The following RAB3GAP2 variants were observed in gnomAD, a reference collection of about 807,000 sequenced individuals.
The protein encoded by RAB3GAP2 is RAB3 GTPase activating non-catalytic protein subunit 2.
A neutral mutation model predicts 185.3 loss-of-function variants in RAB3GAP2; 87 were observed. The observed-to-expected ratio is 0.47, with a 90% CI of 0.39 to 0.56. The LOEUF (loss-of-function observed/expected upper bound fraction) is 0.56, where lower values mean the gene tolerates loss of function less well. Ranked by LOEUF, RAB3GAP2 falls within the 20% of genes least tolerant of loss-of-function variation. The pLI, the probability that RAB3GAP2 is intolerant of heterozygous loss-of-function variation, is 0.00. For synonymous variants in RAB3GAP2, 554 were observed against 576.1 expected, an observed-to-expected ratio of 0.96 and a Z score of 0.55; for missense variants, 1,492 against 1,638.2, an observed-to-expected ratio of 0.91 and a Z score of 1.54.
At position 220,190,061 on chromosome 1, in the gene RAB3GAP2, T is replaced by C; in HGVS notation, c.1714+3A>G. On this transcript the variant is annotated splice_donor_region_variant and intron_variant, in intron 16 of 34. Transcript: ENST00000358951. Reference sequence around the variant, plus strand: ...TTTATTATTTGTATGAGAGAATACCTACCAAGATTGGGAGATTTTGTTTTC... The same window carrying C: ...TTTATTATTTGTATGAGAGAATACCCACCAAGATTGGGAGATTTTGTTTTC... 2 of 1,597,712 alleles carry C rather than the reference T, an allele frequency of 1.3e-6. No homozygotes were observed. Among genetic ancestry groups the C allele is most frequent in the Non-Finnish European group, 1.7e-6 (2 of 1,165,226 alleles).
At chr1:220,252,549 A>G (rs1261887385) in intron 1 of RAB3GAP2, among the ~76,000 whole-genome samples, 3 of 152,238 alleles carry the variant, frequency 2.0e-5, no homozygotes, top group East Asian at 3.8e-4. Flanking sequence ...AGAACGAAGA[A>G]AAGTACGAGG....
intron 9 of RAB3GAP2, among the ~76,000 whole-genome samples, chr1:220,200,309 C>T (rs948501641): frequency 2.0e-5 from 3 of 152,172 alleles, no homozygotes; most frequent in African/African-American, 7.2e-5. Flanking sequence ...AAAGCACCCT[C>T]TTCCTTTACT....
chr1:220,161,117 G>C (rs1338420955), intron 28 of RAB3GAP2, among the ~76,000 whole-genome samples: 1 of 152,090 alleles, frequency 6.6e-6, no homozygotes, highest in African/African-American at 2.4e-5. Context: ...AGGTGAAGTT[G>C]AATAGGAGAA....
chr1:220,245,325 C>A (rs528696962), intron 1 of RAB3GAP2, among the ~76,000 whole-genome samples: 2 of 152,328 alleles, frequency 1.3e-5, no homozygotes, highest in East Asian at 1.9e-4. Flanking sequence ...CATGCGCGAG[C>A]CGAAGCAGGG....
chr1:220,171,211 G>A, intron 23 of RAB3GAP2, 91 bp from the exon 24 acceptor site: 1 of 1,096,954 alleles, frequency 9.1e-7, no homozygotes, highest in East Asian at 2.5e-5. Flanking sequence ...GATGGATACT[G>A]AGGATACATC....
chr1:220,151,833 G>A, intron 33 of RAB3GAP2, 69 bp from the exon 34 acceptor site: 5 of 1,483,376 alleles, frequency 3.4e-6, no homozygotes, highest in South Asian at 2.3e-5. Context: ...TAGGAAAGGG[G>A]TTGCCAGTGA....
chr1:220,233,199 C>G (rs546359074), intron 1 of RAB3GAP2, among the ~76,000 whole-genome samples: 1 of 152,094 alleles, frequency 6.6e-6, no homozygotes, highest in Non-Finnish European at 1.5e-5. Context: ...CTAAAAATGA[C>G]AAATGTTTAT....
Position 220,163,756 on chromosome 1 carries a change from T to TAA in RAB3GAP2, c.3154+976_3154+977insTT, listed in dbSNP as rs1658011195. 2.8e-5 allele frequency among the ~76,000 whole-genome samples: 4 copies of TAA among 145,242 alleles called. No individual in the cohort carries two copies. The South Asian group carries it at 8.6e-4, about 31-fold the overall frequency. Reference sequence around the variant, plus strand: ...ATATAAATACATACATATATATATATATATATATATATATATAGGATGAAG... The same window carrying TAA: ...ATATAAATACATACATATATATATATAAATATATATATATATATAGGATGAAG... On this transcript the variant is annotated intron_variant, in intron 27 of 34. Coordinates refer to ENST00000358951, the MANE Select transcript of RAB3GAP2 (RefSeq NM_012414.4).
At position 220,154,499 on chromosome 1, in the gene RAB3GAP2, C is replaced by T. The variant is rs539977556; in HGVS notation, c.3556-442G>A. 5.6e-5 allele frequency: 10 copies of T among 177,358 alleles called. No homozygotes were observed. The East Asian group carries it at 1.5e-3, about 27-fold the overall frequency. 11.0% of individuals were successfully genotyped at this position (177,358 alleles called of 1,614,324 possible). ...TAACTGAATCTTGCCAACAATTGTGCTTAGAAGTGAATCACCCTGTCCCCA... is the reference window on the plus strand; with the variant it reads ...TAACTGAATCTTGCCAACAATTGTGTTTAGAAGTGAATCACCCTGTCCCCA... On this transcript the variant is annotated intron_variant, in intron 31 of 34. Coordinates refer to ENST00000358951, the MANE Select transcript of RAB3GAP2 (RefSeq NM_012414.4).
At chr1:220,210,357 G>T in intron 7 of RAB3GAP2, 31 bp downstream of exon 7, 1 of 1,508,276 alleles carries the variant, frequency 6.6e-7, no homozygotes, top group Non-Finnish European at 9.2e-7. Flanking sequence ...TAATGCCACT[G>T]TTACTGTTGG....
intron 24 of RAB3GAP2, among the ~76,000 whole-genome samples, chr1:220,170,354 C>G (rs1291324096): frequency 6.6e-6 from 1 of 151,886 alleles, no homozygotes; most frequent in Admixed American, 6.6e-5. Flanking sequence ...CACCATGGCA[C>G]GTGTATACCT....
At chr1:220,164,409 A>G (rs1250391082) in intron 27 of RAB3GAP2, among the ~76,000 whole-genome samples, 1 of 150,478 alleles carries the variant, frequency 6.6e-6, no homozygotes, top group Non-Finnish European at 1.5e-5. Flanking sequence ...CCCTTTATAA[A>G]TAGCACTTTT....
At chr1:220,222,754 CCACT>C (rs1201366049) in intron 2 of RAB3GAP2, among the ~76,000 whole-genome samples, 1 of 151,904 alleles carries the variant, frequency 6.6e-6, no homozygotes, top group Non-Finnish European at 1.5e-5. Context: ...ATTCATCTGC[CCACT>C]CAACCTTCTA....
At chr1:220,219,368 T>G (rs1398770121) in intron 2 of RAB3GAP2, 2 of 152,198 alleles carry the variant, frequency 1.3e-5, no homozygotes, top group African/African-American at 2.4e-5. Flanking sequence ...AATCAAGCTC[T>G]AAAAAGAATA....
intron 21 of RAB3GAP2, among the ~76,000 whole-genome samples, chr1:220,175,405 A>G (rs1358837474): frequency 6.6e-6 from 1 of 151,894 alleles, no homozygotes; most frequent in Non-Finnish European, 1.5e-5. Flanking sequence ...TTTTAGGTAG[A>G]GACGGGTTTC....
intron 1 of RAB3GAP2, among the ~76,000 whole-genome samples, chr1:220,238,624 T>TA (rs1659637554): frequency 1.3e-5 from 2 of 152,148 alleles, no homozygotes; most frequent in African/African-American, 4.8e-5. Context: ...ACTCTCCAAA[T>TA]ACAACATTCT....
At chr1:220,178,516 T>C (rs1042371218) in intron 21 of RAB3GAP2, among the ~76,000 whole-genome samples, 1 of 152,202 alleles carries the variant, frequency 6.6e-6, no homozygotes, top group Non-Finnish European at 1.5e-5. Flanking sequence ...TTAATGCGTA[T>C]AGGTTTTCTT....
At chr1:220,163,189 G>A (rs553861721) in intron 27 of RAB3GAP2, among the ~76,000 whole-genome samples, 1 of 151,976 alleles carries the variant, frequency 6.6e-6, no homozygotes, top group South Asian at 2.1e-4. Flanking sequence ...TTGTCAATTA[G>A]GCAATGTAAA....
chr1:220,190,540 A>G lies in RAB3GAP2; in HGVS notation c.1488-20T>C. On this transcript the variant is annotated intron_variant, in intron 14 of 34. Transcript: ENST00000358951. ...AGCAGCCTAAAGAAATCACATACCAATATGGTAAAAATATTAGAACAAGGA... is the reference window on the plus strand; with the variant it reads ...AGCAGCCTAAAGAAATCACATACCAGTATGGTAAAAATATTAGAACAAGGA... 1.3e-6 allele frequency: 2 copies of G among 1,571,334 alleles called. No individual in the cohort carries two copies. The highest frequency in any genetic ancestry group is 1.8e-6 in the Non-Finnish European group (2 of 1,141,234).
Sources: allele counts gnomAD v4.1 joint callset (sites outside exome capture counted in the v4.1 genomes callset), GRCh38; gene constraint gnomAD v4.1.1; transcripts MANE v1.5; gene names NCBI Gene and HGNC (gene_info 2026-07-23, HGNC 2026-07-21).